The following LYZL1 variants were observed in gnomAD, a reference collection of about 807,000 sequenced individuals.
The protein encoded by LYZL1 is lysozyme-like protein 1.
In LYZL1, 16 loss-of-function variants were observed where a neutral mutation model predicts 17.9. That is an observed-to-expected ratio of 0.90 (90% CI 0.61 to 1.36). The LOEUF (loss-of-function observed/expected upper bound fraction) is 1.36, where lower values mean the gene tolerates loss of function less well. Among genes scored for constraint, LYZL1 ranks in the 40% most tolerant of loss-of-function variants. The probability of loss-of-function intolerance (pLI) is 0.00; values close to 1 mark genes in which losing one functional copy is unlikely to be tolerated. For synonymous variants in LYZL1, 58 were observed against 71.8 expected (o/e 0.81, Z 0.97); for missense variants, 149 against 188.4 (o/e 0.79, Z 1.22).
chr10:29,296,363 A>G (rs1184184384), intron 3 of LYZL1, among the ~76,000 whole-genome samples: 3 of 152,144 alleles, frequency 2.0e-5, no homozygotes, highest in Non-Finnish European at 1.5e-5. Context: ...AACAACAACA[A>G]CAAAAAGCTC....
intron 3 of LYZL1, among the ~76,000 whole-genome samples, chr10:29,308,498 G>A (rs1305060373): frequency 6.6e-6 from 1 of 152,182 alleles, no homozygotes; most frequent in East Asian, 1.9e-4. Context: ...TCTGTTCCTG[G>A]AGACCCAAAT....
intron 3 of LYZL1, among the ~76,000 whole-genome samples, chr10:29,308,307 C>T (rs761225253): frequency 3.8e-4 from 58 of 152,166 alleles, no homozygotes; most frequent in Admixed American, 1.2e-3. Flanking sequence ...CATGTGGGCC[C>T]GACTTGGGCC....
At chr10:29,296,259 G>A (rs1247387590) in intron 3 of LYZL1, among the ~76,000 whole-genome samples, 5 of 152,206 alleles carry the variant, frequency 3.3e-5, no homozygotes, top group Non-Finnish European at 7.3e-5. Context: ...AAGCTGGAAA[G>A]CAGGAGGCAA....
intron 3 of LYZL1, among the ~76,000 whole-genome samples, chr10:29,299,116 C>T (rs1420904193): frequency 6.6e-6 from 1 of 152,132 alleles, no homozygotes; most frequent in Non-Finnish European, 1.5e-5. Context: ...ATAGGGTTCG[C>T]ACTCCTATGA....
chr10:29,313,471 AT>A (rs909352898), downstream of LYZL1, among the ~76,000 whole-genome samples: 3 of 152,038 alleles, frequency 2.0e-5, no homozygotes, highest in African/African-American at 4.8e-5. Context: ...TGGGGGAAAT[AT>A]TTTTTTTAAA....
chr10:29,305,884 T>C (rs1835581786), intron 3 of LYZL1, among the ~76,000 whole-genome samples: 1 of 152,198 alleles, frequency 6.6e-6, no homozygotes. Flanking sequence ...CTCAGGGAAA[T>C]AGCATGCTCG....
At chr10:29,307,218 G>C (rs1367406463) in intron 3 of LYZL1, among the ~76,000 whole-genome samples, 1 of 152,102 alleles carries the variant, frequency 6.6e-6, no homozygotes, top group Non-Finnish European at 1.5e-5. Context: ...TTGTACATTA[G>C]ATCCCCAGTC....
chr10:29,317,852 G>A (rs186093008), intron 4 of LYZL1, among the ~76,000 whole-genome samples: 1 of 152,098 alleles, frequency 6.6e-6, no homozygotes, highest in Non-Finnish European at 1.5e-5. Flanking sequence ...TCTGAGGTGG[G>A]AGGAGCGATT....
chr10:29,308,533 T>A (rs1362567951), intron 3 of LYZL1, among the ~76,000 whole-genome samples: 2 of 152,256 alleles, frequency 1.3e-5, no homozygotes, highest in African/African-American at 4.8e-5. Flanking sequence ...TATTGGACTT[T>A]TACATTTTAT....
chr10:29,308,487 G>T (rs753233419), intron 3 of LYZL1, among the ~76,000 whole-genome samples: 12 of 152,174 alleles, frequency 7.9e-5, no homozygotes, highest in Non-Finnish European at 1.6e-4. Flanking sequence ...CCATCGCAGC[G>T]TCTGTTCCTG....
At chr10:29,292,887 C>T (rs1835393442) in intron 3 of LYZL1, among the ~76,000 whole-genome samples, 1 of 152,174 alleles carries the variant, frequency 6.6e-6, no homozygotes, top group Non-Finnish European at 1.5e-5. Context: ...TCCTTGTAGA[C>T]AGTTTTATGA....
downstream of LYZL1, among the ~76,000 whole-genome samples, chr10:29,315,318 T>C (rs1270584534): frequency 6.6e-6 from 1 of 152,062 alleles, no homozygotes; most frequent in Non-Finnish European, 1.5e-5. Flanking sequence ...GAGACCATCC[T>C]GCCCAACATG....
At chr10:29,315,964 G>T (rs1835725544), downstream of LYZL1, among the ~76,000 whole-genome samples, 4 of 152,168 alleles carry the variant, frequency 2.6e-5, no homozygotes, top group South Asian at 8.3e-4. Context: ...GGCTTCCTCT[G>T]CAGTGCTTCT....
intron 3 of LYZL1, among the ~76,000 whole-genome samples, chr10:29,298,886 A>C (rs527869610): frequency 2.6e-5 from 4 of 152,294 alleles, no homozygotes; most frequent in Admixed American, 2.6e-4. Flanking sequence ...ATTCAAGCGC[A>C]TTACACTTAT....
chr10:29,293,134 C>CT (rs11453474), intron 3 of LYZL1, among the ~76,000 whole-genome samples: 2,358 of 120,992 alleles, frequency 0.019, 77 homozygotes, highest in East Asian at 0.081. Flanking sequence ...TTTCTTTTTT[C>CT]TTTTTTTTTT....
intron 1 of LYZL1, among the ~76,000 whole-genome samples, chr10:29,290,041 C>T (rs1835340495): frequency 6.6e-6 from 1 of 152,164 alleles, no homozygotes; most frequent in African/African-American, 2.4e-5. Flanking sequence ...TGCTTAGTCA[C>T]CTTAAAGCCC....
intron 3 of LYZL1, among the ~76,000 whole-genome samples, chr10:29,293,092 CTTTTTCTTTTCTTTCTTTT>C (rs1464190491): frequency 2.0e-5 from 3 of 146,876 alleles, no homozygotes; most frequent in Admixed American, 6.8e-5. Flanking sequence ...TTTCTTTTCC[CTTTTTCTTTTCTTTCTTTT>C]TTTTTCTTTT....
At chr10:29,307,046 G>A (rs1835606156) in intron 3 of LYZL1, among the ~76,000 whole-genome samples, 1 of 152,066 alleles carries the variant, frequency 6.6e-6, no homozygotes, top group Non-Finnish European at 1.5e-5. Flanking sequence ...GAAGAGATGG[G>A]CTTCACCATG....
chr10:29,306,796 ATGTGTGTGTG>A (rs35332190), intron 3 of LYZL1, among the ~76,000 whole-genome samples: 5 of 141,086 alleles, frequency 3.5e-5, no homozygotes, highest in African/African-American at 8.0e-5. Context: ...CCGCTTATGT[ATGTGTGTGTG>A]TGTGTGTGTG....
Sources: gnomAD v4.1 joint callset for allele counts (sites outside exome capture counted in the v4.1 genomes callset) on GRCh38, gnomAD v4.1.1 for gene constraint, MANE v1.5 for transcripts, NCBI Gene and HGNC (gene_info 2026-07-23, HGNC 2026-07-21) for gene names.